Variants in RBFOX1 observed in about 807,000 individuals in gnomAD.
The protein encoded by RBFOX1 is RNA binding protein fox-1 homolog 1.
A neutral mutation model predicts 57.7 loss-of-function variants in RBFOX1; 8 were observed. That is an observed-to-expected ratio of 0.14 (90% CI 0.08 to 0.25). The LOEUF is 0.25. Ranked by LOEUF, RBFOX1 falls within the 10% of genes least tolerant of loss-of-function variation. RBFOX1 has a pLI of 1.00. For missense variants in RBFOX1, 611 were observed against 548.5 expected, an observed-to-expected ratio of 1.11 and a Z score of -1.14; for synonymous variants, 326 against 222.4, an observed-to-expected ratio of 1.47 and a Z score of -4.15.
intron 3 of RBFOX1, among the ~76,000 whole-genome samples, chr16:6,683,609 G>T (rs779244627): frequency 2.1e-4 from 32 of 152,206 alleles, no homozygotes; most frequent in Non-Finnish European, 4.3e-4. Context: ...GTATATATCT[G>T]TGTTTGTGTT....
At chr16:7,262,535 G>GCATA (rs1278262884) in intron 4 of RBFOX1, among the ~76,000 whole-genome samples, 1 of 152,264 alleles carries the variant, frequency 6.6e-6, no homozygotes, top group Non-Finnish European at 1.5e-5. Context: ...TTGCAGGCAT[G>GCATA]CATAGCACCC....
intron 2 of RBFOX1, among the ~76,000 whole-genome samples, chr16:6,500,309 A>G (rs528828302): frequency 1.3e-5 from 2 of 152,302 alleles, no homozygotes; most frequent in South Asian, 4.1e-4. Flanking sequence ...GCTTCAAGGT[A>G]TACACATTCT....
intron 1 of RBFOX1, among the ~76,000 whole-genome samples, chr16:6,027,709 A>G (rs1281261156): frequency 6.6e-6 from 1 of 152,196 alleles, no homozygotes; most frequent in Non-Finnish European, 1.5e-5. Flanking sequence ...TAATGATATC[A>G]TTATTAACCT....
intron 1 of RBFOX1, among the ~76,000 whole-genome samples, chr16:6,265,798 A>G (rs1404109141): frequency 6.6e-6 from 1 of 152,066 alleles, no homozygotes; most frequent in Non-Finnish European, 1.5e-5. Flanking sequence ...ATTCTTCAGA[A>G]TCCCTCTGTC....
chr16:6,511,010 A>G (rs2096245504), intron 2 of RBFOX1, among the ~76,000 whole-genome samples: 1 of 152,208 alleles, frequency 6.6e-6, no homozygotes, highest in Admixed American at 6.5e-5. Context: ...GAGCTGTTAA[A>G]TGATGAGTTC....
chr16:6,804,390 C>A (rs150753385), intron 3 of RBFOX1, among the ~76,000 whole-genome samples: 1 of 152,104 alleles, frequency 6.6e-6, no homozygotes, highest in Non-Finnish European at 1.5e-5. Flanking sequence ...ATCCCTAATG[C>A]CCCATCTAGC....
chr16:6,862,139 A>G (rs1042598127), intron 3 of RBFOX1, among the ~76,000 whole-genome samples: 5 of 152,174 alleles, frequency 3.3e-5, no homozygotes, highest in African/African-American at 7.2e-5. Flanking sequence ...AATAACAACA[A>G]AAGAGTTTTT....
At position 5,708,371 on chromosome 16, in the gene RBFOX1, A is replaced by T. The variant is rs1338668030; in HGVS notation, c.318+109410A>T. On this transcript the variant is annotated intron_variant, in intron 3 of 19. Transcript: ENST00000641259. ...AAATTCATTTTGAGCTTCCATATACATAGATTCCTTTGATAGTTCAATCAA... is the reference window on the plus strand; with the variant it reads ...AAATTCATTTTGAGCTTCCATATACTTAGATTCCTTTGATAGTTCAATCAA... Among the ~76,000 whole-genome samples, 4 of 152,218 alleles carry T rather than the reference A, an allele frequency of 2.6e-5. No homozygotes were observed. The South Asian group carries it at 8.3e-4, about 32-fold the overall frequency.
At chr16:6,344,357 T>C (rs192199264) in intron 2 of RBFOX1, among the ~76,000 whole-genome samples, 4 of 151,600 alleles carry the variant, frequency 2.6e-5, no homozygotes, top group East Asian at 3.9e-4. Context: ...GGCCTGGTAT[T>C]ATACAATTAC....
At chr16:5,450,965 G>A (rs563084056) in intron 1 of RBFOX1, among the ~76,000 whole-genome samples, 1 of 152,294 alleles carries the variant, frequency 6.6e-6, no homozygotes, top group Non-Finnish European at 1.5e-5. Context: ...GGAAAATGGG[G>A]CTGATCACGG....
intron 4 of RBFOX1, among the ~76,000 whole-genome samples, chr16:5,889,199 G>A (rs2057981199): frequency 2.0e-5 from 3 of 152,084 alleles, no homozygotes; most frequent in Admixed American, 1.3e-4. Context: ...TAGGTAATAA[G>A]GCCAGCATCC....
intron 3 of RBFOX1, among the ~76,000 whole-genome samples, chr16:5,683,311 T>G (rs1287198122): frequency 6.6e-6 from 1 of 152,164 alleles, no homozygotes; most frequent in African/African-American, 2.4e-5. Flanking sequence ...CCAGAGCATT[T>G]GTAACCTCCC....
intron 3 of RBFOX1, among the ~76,000 whole-genome samples, chr16:7,045,969 T>C (rs76474586): frequency 0.04 from 6,035 of 152,232 alleles, 407 homozygotes; most frequent in African/African-American, 0.14. Context: ...AGATAAACTT[T>C]TTATTAATTA....
intron 4 of RBFOX1, among the ~76,000 whole-genome samples, chr16:7,197,495 A>T (rs2087025215): frequency 6.6e-6 from 1 of 151,912 alleles, no homozygotes; most frequent in Non-Finnish European, 1.5e-5. Flanking sequence ...ATTATCACAG[A>T]TAGTGTAAAA....
At chr16:7,188,287 G>A (rs1249174219) in intron 4 of RBFOX1, among the ~76,000 whole-genome samples, 2 of 152,202 alleles carry the variant, frequency 1.3e-5, no homozygotes, top group Admixed American at 6.5e-5. Context: ...AGTGCTTTAA[G>A]TTAAAATGAA....
chr16:7,027,781 T>A (rs2041421650), intron 3 of RBFOX1, among the ~76,000 whole-genome samples: 2 of 151,148 alleles, frequency 1.3e-5, no homozygotes, highest in Admixed American at 1.3e-4. Context: ...CATTTTTTTT[T>A]ATTTTAAACA....
intron 4 of RBFOX1, among the ~76,000 whole-genome samples, chr16:7,148,581 A>T (rs947760026): frequency 6.6e-6 from 1 of 152,082 alleles, no homozygotes; most frequent in Non-Finnish European, 1.5e-5. Context: ...GAGAATGGAG[A>T]TTTTCCAAGT....
chr16:7,192,812 A>T (rs1364211177), intron 4 of RBFOX1, among the ~76,000 whole-genome samples: 1 of 152,208 alleles, frequency 6.6e-6, no homozygotes, highest in Non-Finnish European at 1.5e-5. Flanking sequence ...ACATTTTTAA[A>T]AAGTAAAATT....
chr16:5,985,676 A>ATTTG (rs2060272178), intron 4 of RBFOX1, among the ~76,000 whole-genome samples: 1 of 152,178 alleles, frequency 6.6e-6, no homozygotes, highest in Non-Finnish European at 1.5e-5. Flanking sequence ...CCATCTTGCC[A>ATTTG]TTTGGGAAGG....
Sources: allele counts gnomAD v4.1 joint callset (sites outside exome capture counted in the v4.1 genomes callset), GRCh38; gene constraint gnomAD v4.1.1; transcripts MANE v1.5; gene names NCBI Gene and HGNC (gene_info 2026-07-23, HGNC 2026-07-21).